The following SPTBN5 variants were observed in gnomAD, a reference collection of about 807,000 sequenced individuals.
SPTBN5 encodes the protein spectrin beta, non-erythrocytic 5.
A neutral mutation model predicts 477.6 loss-of-function variants in SPTBN5; 513 were observed. That is an observed-to-expected ratio of 1.07 (90% CI 1.00 to 1.16). The LOEUF (loss-of-function observed/expected upper bound fraction) is 1.16, where lower values mean the gene tolerates loss of function less well. Ranked by LOEUF, SPTBN5 falls within the 50% of genes most tolerant of loss-of-function variation. The pLI is 0.00. For missense variants in SPTBN5, 5,062 were observed against 4,731.8 expected (o/e 1.07, Z -2.05); for synonymous variants, 2,169 against 2,011.7 (o/e 1.08, Z -2.09).
Position 41,868,509 on chromosome 15 carries a change from G to A in SPTBN5, c.5946C>T (p.Leu1982=). Reference sequence around the variant, plus strand: ...CCGCCCGGAGCCACTGGTGGGCACTGAGCTTCAGCGGGCCACTGCTAGGCT... The same window carrying A: ...CCGCCCGGAGCCACTGGTGGGCACTAAGCTTCAGCGGGCCACTGCTAGGCT... The part of the protein sequence containing the change: ...SQEPSSGPLK[L]SAHQWLRAEL... Residue 1982 remains leucine, a synonymous_variant, in exon 33 of 68, where the codon CTC becomes CTT. Coordinates refer to ENST00000320955, the MANE Select transcript of SPTBN5 (RefSeq NM_016642.4). 1 of 1,610,534 alleles carries A rather than the reference G, an allele frequency of 6.2e-7. No individual in the cohort carries two copies. The highest frequency in any genetic ancestry group is 8.5e-7 in the Non-Finnish European group (1 of 1,179,782).
chr15:41,883,945 C>G (rs1162972128), intron 7 of SPTBN5, among the ~76,000 whole-genome samples: 1 of 151,838 alleles, frequency 6.6e-6, no homozygotes, highest in African/African-American at 2.4e-5. Context: ...CATGGGCCAC[C>G]ATGCCCGGCT....
At chr15:41,875,089 T>C in intron 22 of SPTBN5, 33 bp from the exon 23 acceptor site, 1 of 1,576,366 alleles carries the variant, frequency 6.3e-7, no homozygotes, top group South Asian at 1.1e-5. Flanking sequence ...CATTAGGTTC[T>C]CTGTGTACAG....
Position 41,849,853 on chromosome 15 carries a change from C to G in SPTBN5, c.11012+16G>C, listed in dbSNP as rs764739140. On this transcript the variant is annotated intron_variant, in intron 67 of 67. Transcript: ENST00000320955. ...CCAGGGCTCCCCGCCCTGCTTCCCC[C>G]ACCCAGGTGTCCCACCTGAGTAGAC... 2.6e-6 allele frequency: 4 copies of G among 1,552,538 alleles called. No individual in the cohort carries two copies. The highest frequency in any genetic ancestry group is 2.4e-5 in the East Asian group (1 of 41,512).
Position 41,857,553 on chromosome 15 carries a change from C to T in SPTBN5, c.8364+20G>A. The T allele has an allele frequency of 6.2e-7, 1 of 1,606,272 alleles. No individual in the cohort carries two copies. Among genetic ancestry groups the T allele is most frequent in the Admixed American group, 1.7e-5 (1 of 59,624 alleles). ...TGTCCTGGAGCCCGGCCAGCCACCCCTCGGCCTGCACAACCTCACCTCACA... is the reference window on the plus strand; with the variant it reads ...TGTCCTGGAGCCCGGCCAGCCACCCTTCGGCCTGCACAACCTCACCTCACA... On this transcript the variant is annotated intron_variant, in intron 50 of 67. Transcript: ENST00000320955.
Position 41,882,439 on chromosome 15 carries a change from C to T in SPTBN5, c.2077G>A (p.Ala693Thr), listed in dbSNP as rs747847761. 1 of 1,550,658 alleles carries T rather than the reference C, an allele frequency of 6.4e-7. No homozygotes were observed. Among genetic ancestry groups the T allele is most frequent in the East Asian group, 2.4e-5 (1 of 41,838 alleles). The change falls in exon 11 of 68, where the codon GCC (alanine) becomes ACC (threonine). Residue 693 changes from alanine to threonine, a missense_variant. Physicochemically the swap from Ala to Thr is moderately conservative, Grantham distance 58 (BLOSUM62 0). Coordinates refer to ENST00000320955, the MANE Select transcript of SPTBN5 (RefSeq NM_016642.4). ...ALEAEVHRHQ[A>T]VCVDLVRRGR... is the part of the protein sequence containing the mutation. ...CTCCGCACGAGATCTACGCACACGG[C>T]CTGGTGGCGGTGGACCTCAGCTTCC...
intron 3 of SPTBN5, among the ~76,000 whole-genome samples, chr15:41,890,657 C>T (rs1040453209): frequency 6.6e-6 from 1 of 152,252 alleles, no homozygotes; most frequent in African/African-American, 2.4e-5. Context: ...AAATCTCAGC[C>T]CTCTTCTTCT....
chr15:41,883,372 G>A lies in SPTBN5; in HGVS notation c.1635C>T (p.Ala545=), dbSNP rs755593219. The A allele has an allele frequency of 5.0e-6, 8 of 1,613,604 alleles. No homozygotes were observed. The South Asian group carries it at 8.8e-5, about 18-fold the overall frequency. ...CCTGCAGCTCCTCCAGCTGGTGGGA[G>A]GCAGCCTCCACCTCCTGCAGCAGGC... is the stretch of plus-strand genomic sequence containing the variant. ...VLSLLQEVEA[A]SHQLEELQEP... Residue 545 remains alanine (A), a synonymous_variant, in exon 8 of 68, where the codon GCC becomes GCT. Transcript: ENST00000320955.
intron 18 of SPTBN5, 43 bp from the exon 19 acceptor site, chr15:41,876,991 G>T: frequency 6.3e-7 from 1 of 1,580,748 alleles, no homozygotes; most frequent in South Asian, 1.1e-5. Context: ...GAGAATGGGG[G>T]TCAGGACCAT....
Position 41,865,922 on chromosome 15 carries a change from G to C in SPTBN5, c.6823-19C>G, listed in dbSNP as rs779833702. The C allele has an allele frequency of 3.9e-6, 6 of 1,557,218 alleles. No homozygotes were observed. The highest frequency in any genetic ancestry group is 4.3e-6 in the Non-Finnish European group (5 of 1,150,484). ...TCACCTCCTGTGAAGGCCGAGGGTG[G>C]GGAGGGAGCGCTGTGAGCACCAGCC... On this transcript the variant is annotated intron_variant, in intron 38 of 67. Transcript: ENST00000320955.
At chr15:41,869,562 C>T (rs1036921623) in intron 32 of SPTBN5, among the ~76,000 whole-genome samples, 6 of 152,228 alleles carry the variant, frequency 3.9e-5, no homozygotes, top group African/African-American at 1.4e-4. Flanking sequence ...CAGTTATGAG[C>T]TTTCCTGGGC....
chr15:41,887,329 C>T lies in SPTBN5; in HGVS notation c.772G>A (p.Glu258Lys), dbSNP rs759535853. The change falls in exon 6 of 68, where the codon GAG becomes AAG. Residue 258 changes from glutamate to lysine, a missense_variant. Physicochemically the swap from Glu to Lys is moderately conservative, Grantham distance 56. Transcript: ENST00000320955. Reference protein sequence around the residue: ...ELGIAQLLDPEDVAAAQPDER... With the variant: ...ELGIAQLLDPKDVAAAQPDER... ...TCTGGCTGTGCGGCTGCCACGTCCT[C>T]GGGGTCCAGCAGCTGAGCAATGCCC... is the stretch of plus-strand genomic sequence containing the variant. 65 of 1,551,542 alleles carry T rather than the reference C, an allele frequency of 4.2e-5. No homozygotes were observed. Among genetic ancestry groups the T allele is most frequent in the Middle Eastern group, 1.7e-4 (1 of 6,014 alleles).
rs2066191575 is a variant in SPTBN5 at position 41,863,574 on chromosome 15, C to A, written c.7149+130G>T. The A allele has an allele frequency of 4.3e-6, 3 of 699,754 alleles. No homozygotes were observed. The African/African-American group carries it at 5.3e-5, about 12-fold the overall frequency. 43.3% of individuals were successfully genotyped at this position (699,754 alleles called of 1,614,324 possible). A position where few individuals can be genotyped will look rare whatever the true frequency, so the allele number is the denominator to read the frequency against. On this transcript the variant is annotated intron_variant, in intron 41 of 67. Transcript: ENST00000320955. The stretch of plus-strand genomic sequence containing the variant: ...TGTCCCTGGTGCAGACTGCTGGGAC[C>A]CACCTCCAAGTACCCAGCTGAACAG...
At position 41,861,592 on chromosome 15, in the gene SPTBN5, T is replaced by C. The variant is rs1016201037; in HGVS notation, c.7738-96A>G. On this transcript the variant is annotated intron_variant, in intron 45 of 67. Transcript: ENST00000320955. ...AGTGGCACAGGTTAGGGAACCAGGGTCCTGGAAGGCAGGAGTGCTGAGTGG... is the reference window on the plus strand; with the variant it reads ...AGTGGCACAGGTTAGGGAACCAGGGCCCTGGAAGGCAGGAGTGCTGAGTGG... 6 of 1,535,230 alleles carry C rather than the reference T, an allele frequency of 3.9e-6. No homozygotes were observed. The Admixed American group carries it at 5.2e-5, about 13-fold the overall frequency.
Position 41,892,938 on chromosome 15 carries a change from A to G in SPTBN5, c.340T>C (p.Phe114Leu), listed in dbSNP as rs373540677. 1.2e-6 allele frequency: 2 copies of G among 1,607,988 alleles called. No individual in the cohort carries two copies. Among genetic ancestry groups the G allele is most frequent in the African/African-American group, 2.7e-5 (2 of 74,930 alleles). The change falls in exon 3 of 68, where the codon TTC (phenylalanine) becomes CTC (leucine). Residue 114 changes from phenylalanine to leucine, a missense_variant. Phe to Leu is a conservative substitution (Grantham distance 22). Transcript: ENST00000320955. ...AGAGCTCGGCTGCTGTTCTCCAGGA[A>G]GTGCACACGCAGGCGGCCCCGGCTC... ...PPSRGRLRVH[F>L]LENSSRALAF...
Position 41,879,243 on chromosome 15 carries a change from C to T in SPTBN5, c.3182+17G>A. ...GGTCCTCACTGCCTCCCAATGCCACCACTGCGCTGGCCGTACTTTACGACC... is the reference window on the plus strand; with the variant it reads ...GGTCCTCACTGCCTCCCAATGCCACTACTGCGCTGGCCGTACTTTACGACC... On this transcript the variant is annotated intron_variant, in intron 16 of 67. Transcript: ENST00000320955. The T allele has an allele frequency of 1.9e-6, 3 of 1,598,536 alleles. No individual in the cohort carries two copies. The highest frequency in any genetic ancestry group is 2.7e-5 in the African/African-American group (2 of 74,832).
At position 41,878,645 on chromosome 15, in the gene SPTBN5, C is replaced by T. The variant is rs748151492; in HGVS notation, c.3183-16G>A. The T allele has an allele frequency of 8.7e-6, 14 of 1,603,086 alleles. No individual in the cohort carries two copies. The highest frequency in any genetic ancestry group is 8.4e-5 in the Admixed American group (5 of 59,310). Reference sequence around the variant, plus strand: ...CTCCTCGACCCTGGGAGACAGGGTGCGCTGCACAGTCAGTGCCCTGTCCTG... The same window carrying T: ...CTCCTCGACCCTGGGAGACAGGGTGTGCTGCACAGTCAGTGCCCTGTCCTG... On this transcript the variant is annotated splice_polypyrimidine_tract_variant and intron_variant, in intron 16 of 67. Coordinates refer to ENST00000320955, the MANE Select transcript of SPTBN5 (RefSeq NM_016642.4).
chr15:41,871,140 C>A (rs1440135275), intron 29 of SPTBN5, among the ~76,000 whole-genome samples: 1 of 152,254 alleles, frequency 6.6e-6, no homozygotes, highest in Non-Finnish European at 1.5e-5. Context: ...CCCACAGCTC[C>A]TGCTCTCAAT....
chr15:41,851,494 T>G, intron 63 of SPTBN5, 125 bp from the exon 64 acceptor site: 5 of 629,078 alleles, frequency 7.9e-6, no homozygotes, highest in Non-Finnish European at 1.3e-5. Context: ...AAAGTCCCAA[T>G]GGGGAAAGGG....
At position 41,865,798 on chromosome 15, in the gene SPTBN5, G is replaced by A; in HGVS notation, c.6918+10C>T. On this transcript the variant is annotated intron_variant, in intron 39 of 67. Transcript: ENST00000320955. Reference sequence around the variant, plus strand: ...GCATGGCCAACCTCTACCCAGCAAGGCCCTCTTACCCCGGCCGAGTTTCCT... The same window carrying A: ...GCATGGCCAACCTCTACCCAGCAAGACCCTCTTACCCCGGCCGAGTTTCCT... The A allele has an allele frequency of 6.4e-7, 1 of 1,553,194 alleles. No homozygotes were observed. Among genetic ancestry groups the A allele is most frequent in the Non-Finnish European group, 8.7e-7 (1 of 1,148,564 alleles).
Sources: allele counts gnomAD v4.1 joint callset (sites outside exome capture counted in the v4.1 genomes callset), GRCh38; gene constraint gnomAD v4.1.1; transcripts MANE v1.5; gene names NCBI Gene and HGNC (gene_info 2026-07-23, HGNC 2026-07-21).